The following SETBP1 variants were observed in gnomAD, a reference collection of about 807,000 sequenced individuals.
The protein encoded by SETBP1 is SET-binding protein.
A neutral mutation model predicts 101.0 loss-of-function variants in SETBP1; 9 were observed. That is an observed-to-expected ratio of 0.09 (90% CI 0.05 to 0.16). The LOEUF (loss-of-function observed/expected upper bound fraction) is 0.16, where lower values mean the gene tolerates loss of function less well. Ranked by LOEUF, SETBP1 falls within the 10% of genes least tolerant of loss-of-function variation. The pLI is 1.00. For synonymous variants in SETBP1, 818 were observed against 788.5 expected, an observed-to-expected ratio of 1.04 and a Z score of -0.63; for missense variants, 1,858 against 2,033.8, an observed-to-expected ratio of 0.91 and a Z score of 1.66.
intron 2 of SETBP1, among the ~76,000 whole-genome samples, chr18:44,742,590 T>C (rs577260612): frequency 3.3e-5 from 5 of 152,370 alleles, no homozygotes; most frequent in African/African-American, 1.2e-4. Context: ...AAAGAATCCC[T>C]ACCAGAAGAT....
At chr18:44,832,393 A>T (rs2072392518) in intron 2 of SETBP1, among the ~76,000 whole-genome samples, 1 of 152,174 alleles carries the variant, frequency 6.6e-6, no homozygotes, top group South Asian at 2.1e-4. Flanking sequence ...CTGCATGTTC[A>T]CTATGTGCTC....
chr18:44,693,834 G>C lies in SETBP1; in HGVS notation c.-172-7341G>C, dbSNP rs1009676730. ...AAAGCAGGCAGTCATCAAGTCTACT[G>C]TATGGGCAGCTTGAACAAAACCAGC... On this transcript the variant is annotated intron_variant, in intron 1 of 5. Transcript: ENST00000649279. Among the ~76,000 whole-genome samples, 4 of 152,200 alleles carry C rather than the reference G, an allele frequency of 2.6e-5. No homozygotes were observed. The South Asian group carries it at 8.3e-4, about 31-fold the overall frequency.
At chr18:44,977,839 A>G (rs1015952549) in intron 4 of SETBP1, among the ~76,000 whole-genome samples, 5 of 152,106 alleles carry the variant, frequency 3.3e-5, no homozygotes, top group African/African-American at 9.7e-5. Context: ...TCTCCCCCTT[A>G]TATCTATTCA....
At chr18:44,901,487 G>A (rs1427585781) in intron 3 of SETBP1, among the ~76,000 whole-genome samples, 16 of 152,156 alleles carry the variant, frequency 1.1e-4, no homozygotes, top group Admixed American at 6.5e-5. Flanking sequence ...CCACCGAGGG[G>A]CAGCACTTCA....
intron 5 of SETBP1, among the ~76,000 whole-genome samples, chr18:45,057,406 G>C (rs2073827246): frequency 1.3e-5 from 2 of 152,130 alleles, no homozygotes; most frequent in Admixed American, 1.3e-4. Flanking sequence ...ATTTACATTA[G>C]AGAACATGAG....
chr18:45,049,359 G>T (rs2073683283), intron 5 of SETBP1, among the ~76,000 whole-genome samples: 1 of 152,116 alleles, frequency 6.6e-6, no homozygotes, highest in Non-Finnish European at 1.5e-5. Context: ...CTAGAATAAG[G>T]CAGGGTGACT....
At chr18:44,887,734 G>A (rs1045710848) in intron 3 of SETBP1, among the ~76,000 whole-genome samples, 4 of 152,058 alleles carry the variant, frequency 2.6e-5, no homozygotes, top group Non-Finnish European at 4.4e-5. Flanking sequence ...AAATCCTCAG[G>A]CCACAGACAA....
intron 3 of SETBP1, among the ~76,000 whole-genome samples, chr18:44,944,623 C>G (rs1169741007): frequency 6.6e-6 from 1 of 152,110 alleles, no homozygotes; most frequent in Non-Finnish European, 1.5e-5. Flanking sequence ...AGAGATGAGG[C>G]CTCCCTCATT....
chr18:45,004,562 C>T (rs2072685413), intron 4 of SETBP1, among the ~76,000 whole-genome samples: 2 of 152,206 alleles, frequency 1.3e-5, no homozygotes, highest in Admixed American at 6.5e-5. Context: ...GGTAACTCTT[C>T]AGGTAAATGA....
At chr18:45,028,425 G>C (rs2073217561) in intron 4 of SETBP1, among the ~76,000 whole-genome samples, 1 of 152,026 alleles carries the variant, frequency 6.6e-6, no homozygotes, top group Non-Finnish European at 1.5e-5. Context: ...GGACATTTGG[G>C]TTGGTTCCAA....
intron 3 of SETBP1, among the ~76,000 whole-genome samples, chr18:44,900,633 G>T (rs778083697): frequency 3.3e-5 from 5 of 152,190 alleles, no homozygotes; most frequent in Non-Finnish European, 5.9e-5. Context: ...TTTGCAAAGT[G>T]TGCCCCCCAG....
intron 2 of SETBP1, among the ~76,000 whole-genome samples, chr18:44,732,282 C>G (rs2069853524): frequency 6.6e-6 from 1 of 152,136 alleles, no homozygotes; most frequent in Non-Finnish European, 1.5e-5. Flanking sequence ...TGAAGCTGAG[C>G]AGGGCTATGC....
chr18:44,849,524 G>A (rs2072802409), intron 2 of SETBP1, among the ~76,000 whole-genome samples: 1 of 152,214 alleles, frequency 6.6e-6, no homozygotes, highest in Non-Finnish European at 1.5e-5. Flanking sequence ...GCACTGAAGT[G>A]TGAGTGAGCA....
chr18:44,704,188 G>A (rs754126052), intron 2 of SETBP1, among the ~76,000 whole-genome samples: 42 of 152,282 alleles, frequency 2.8e-4, no homozygotes, highest in Non-Finnish European at 4.1e-4. Context: ...CTGTACCATC[G>A]GGATGATTTC....
chr18:44,989,486 G>A (rs938699525), intron 4 of SETBP1, among the ~76,000 whole-genome samples: 6 of 152,042 alleles, frequency 3.9e-5, no homozygotes, highest in East Asian at 1.9e-4. Context: ...TTTTATTGAC[G>A]CTCCAGAAAA....
chr18:44,694,622 C>T (rs889850533), intron 1 of SETBP1, among the ~76,000 whole-genome samples: 5 of 152,216 alleles, frequency 3.3e-5, no homozygotes, highest in Non-Finnish European at 7.3e-5. Flanking sequence ...TCCCTGGTTA[C>T]TGTTCACTAG....
At chr18:44,761,178 A>G (rs1568129684) in intron 2 of SETBP1, among the ~76,000 whole-genome samples, 1 of 152,182 alleles carries the variant, frequency 6.6e-6, no homozygotes, top group South Asian at 2.1e-4. Context: ...CTAGGGTATA[A>G]TGTGGGTTTT....
intron 2 of SETBP1, among the ~76,000 whole-genome samples, chr18:44,747,802 A>G (rs1852507229): frequency 6.6e-6 from 1 of 152,262 alleles, no homozygotes; most frequent in Non-Finnish European, 1.5e-5. Flanking sequence ...CAAAGCCTTT[A>G]ATGTTAATAA....
intron 5 of SETBP1, among the ~76,000 whole-genome samples, chr18:45,040,613 C>T (rs1348878403): frequency 1.3e-5 from 2 of 151,584 alleles, no homozygotes; most frequent in African/African-American, 4.8e-5. Flanking sequence ...ATTTTCCTCC[C>T]TTGCACTCTT....
Sources: gnomAD v4.1 joint callset for allele counts (sites outside exome capture counted in the v4.1 genomes callset) on GRCh38, gnomAD v4.1.1 for gene constraint, MANE v1.5 for transcripts, NCBI Gene and HGNC (gene_info 2026-07-23, HGNC 2026-07-21) for gene names.